The following HELZ variants were observed in gnomAD, a reference collection of about 807,000 sequenced individuals.
HELZ encodes the protein ATP-dependent RNA helicase with zinc finger domain.
Under a neutral mutation model 218.2 loss-of-function variants are expected in HELZ, and 23 were observed. That is an observed-to-expected ratio of 0.11 (90% confidence interval 0.08 to 0.15). The LOEUF (loss-of-function observed/expected upper bound fraction) is 0.15, where lower values mean the gene tolerates loss of function less well. Among genes scored for constraint, HELZ ranks in the 10% least tolerant of loss-of-function variants. HELZ has a pLI of 1.00. For synonymous variants in HELZ, 814 were observed against 829.4 expected (o/e 0.98, Z 0.32); for missense variants, 1,813 against 2,353.7 (o/e 0.77, Z 4.75).
intron 19 of HELZ, 125 bp from the exon 20 acceptor site, chr17:67,148,839 G>T: frequency 1.2e-6 from 1 of 822,628 alleles, no homozygotes; most frequent in African/African-American, 1.7e-5. Flanking sequence ...CTAAATGCTG[G>T]GACAAGCACA....
intron 3 of HELZ, among the ~76,000 whole-genome samples, chr17:67,221,411 G>A (rs2040741714): frequency 6.6e-6 from 1 of 152,104 alleles, no homozygotes. Context: ...GATACCAGAG[G>A]CCCTAGAATT....
intron 3 of HELZ, among the ~76,000 whole-genome samples, chr17:67,232,342 C>CG (rs1385232394): frequency 2.0e-5 from 3 of 152,042 alleles, no homozygotes; most frequent in Non-Finnish European, 4.4e-5. Flanking sequence ...TTAGTAGAGA[C>CG]GGGGTTTCAC....
At chr17:67,153,440 GATC>G (rs1315405676) in intron 17 of HELZ, among the ~76,000 whole-genome samples, 2 of 152,178 alleles carry the variant, frequency 1.3e-5, no homozygotes, top group Admixed American at 6.5e-5. Flanking sequence ...AAATTACAAA[GATC>G]ATCAGATGAT....
chr17:67,167,431 C>T, intron 14 of HELZ, 32 bp downstream of exon 14: 1 of 1,470,240 alleles, frequency 6.8e-7, no homozygotes, highest in Non-Finnish European at 9.5e-7. Context: ...GGCTACAGAC[C>T]ACTATGGTTA....
rs754325296 is a variant in HELZ at position 67,109,192 on chromosome 17, G to A, written c.4413C>T (p.Pro1471=). The A allele has an allele frequency of 2.4e-5, 39 of 1,613,982 alleles. No homozygotes were observed. The highest frequency in any genetic ancestry group is 1.7e-4 in the Middle Eastern group (1 of 6,046). The part of the protein sequence containing the change: ...GHSPLRAIAQ[P]GPILPSHLNS... ...TCAGATGTGAAGGAAGAATGGGGCCGGGTTGTGCAATGGCTCTCAGAGGAC... is the reference window on the plus strand; with the variant it reads ...TCAGATGTGAAGGAAGAATGGGGCCAGGTTGTGCAATGGCTCTCAGAGGAC... The change falls in exon 29 of 33, where the codon CCC becomes CCT. Residue 1471 remains proline, a synonymous_variant. Transcript: ENST00000358691.
At chr17:67,224,657 T>C in intron 3 of HELZ, 1 of 648,704 alleles carries the variant, frequency 1.5e-6, no homozygotes, top group Non-Finnish European at 2.8e-6. Flanking sequence ...AATGGCTTAG[T>C]GTGATATATG....
chr17:67,113,978 A>T (rs780249545), intron 28 of HELZ, among the ~76,000 whole-genome samples: 3 of 152,204 alleles, frequency 2.0e-5, no homozygotes, highest in Non-Finnish European at 4.4e-5. Flanking sequence ...GACCTGAGTA[A>T]GTCTTCCCCT....
chr17:67,125,228 A>G (rs2037745385), intron 24 of HELZ, among the ~76,000 whole-genome samples: 1 of 141,780 alleles, frequency 7.1e-6, no homozygotes, highest in Non-Finnish European at 1.5e-5. Flanking sequence ...ACCCCCTAAA[A>G]AATCATAGTT....
intron 23 of HELZ, 54 bp downstream of exon 23, chr17:67,135,916 A>G (rs2143940047): frequency 2.2e-6 from 3 of 1,383,988 alleles, no homozygotes; most frequent in South Asian, 2.5e-5. Flanking sequence ...ACACATAGGG[A>G]TACAAATCAT....
chr17:67,161,165 T>G (rs948887831), intron 15 of HELZ, 89 bp from the exon 16 acceptor site: 2 of 919,738 alleles, frequency 2.2e-6, no homozygotes, highest in Non-Finnish European at 3.2e-6. Flanking sequence ...CAGTGAACCA[T>G]TAAAACCACT....
At chr17:67,173,050 C>T in intron 13 of HELZ, 2 of 982,882 alleles carry the variant, frequency 2.0e-6, no homozygotes, top group Non-Finnish European at 2.4e-6. Context: ...TTGTGTCTTG[C>T]AACAAAATTC....
chr17:67,078,314 A>C lies in HELZ; in HGVS notation c.5767T>G (p.Phe1923Val). 2 of 1,614,084 alleles carry C rather than the reference A, an allele frequency of 1.2e-6. No individual in the cohort carries two copies. The highest frequency in any genetic ancestry group is 1.7e-6 in the Non-Finnish European group (2 of 1,179,976). The change falls in exon 33 of 33, where the codon TTC becomes GTC. Residue 1923 changes from phenylalanine (F) to valine (V), a missense_variant. Phe to Val is a conservative substitution (Grantham distance 50). Coordinates refer to ENST00000358691, the MANE Select transcript of HELZ (RefSeq NM_014877.4). ...GAGCTCCCTAGGCTCAGTTCCTGGA[A>C]GAGAGACAGAGGGTCGCTACTCTTC... Reference protein sequence around the residue: ...AKKSSDPLSLFQELSLGSSSG... With the variant: ...AKKSSDPLSLVQELSLGSSSG...
intron 5 of HELZ, among the ~76,000 whole-genome samples, chr17:67,208,128 G>A (rs932351548): frequency 5.9e-5 from 9 of 152,172 alleles, no homozygotes; most frequent in African/African-American, 1.9e-4. Context: ...AAATTAGGGA[G>A]ATGAAGAACA....
At chr17:67,164,260 G>C (rs918095911) in intron 15 of HELZ, among the ~76,000 whole-genome samples, 1 of 152,110 alleles carries the variant, frequency 6.6e-6, no homozygotes, top group Non-Finnish European at 1.5e-5. Flanking sequence ...ACACAAAACT[G>C]AGCCTAGCGC....
Position 67,074,649 on chromosome 17 carries a change from T to C in HELZ, c.*3603A>G, listed in dbSNP as rs191028636. 8.5e-5 allele frequency: 13 copies of C among 152,192 alleles called. No homozygotes were observed. The highest frequency in any genetic ancestry group is 8.5e-4 in the Admixed American group (13 of 15,306). 9.4% of individuals were successfully genotyped at this position (152,192 alleles called of 1,614,324 possible). A position where few individuals can be genotyped will look rare whatever the true frequency, so the allele number is the denominator to read the frequency against. ...ATACTATATATTAATTATCCCAAAGTTGGGAAATTCATTAGCTTTCTCAGC... is the reference window on the plus strand; with the variant it reads ...ATACTATATATTAATTATCCCAAAGCTGGGAAATTCATTAGCTTTCTCAGC... On this transcript the variant is annotated 3_prime_UTR_variant, in exon 33 of 33. Coordinates refer to ENST00000358691, the MANE Select transcript of HELZ (RefSeq NM_014877.4).
At chr17:67,138,709 G>A (rs554048500) in intron 21 of HELZ, among the ~76,000 whole-genome samples, 4 of 152,282 alleles carry the variant, frequency 2.6e-5, no homozygotes, top group Admixed American at 2.6e-4. Flanking sequence ...CCTGCTAGTG[G>A]TACAAGTCCA....
chr17:67,180,917 A>G lies in HELZ; in HGVS notation c.1163-1991T>C, dbSNP rs939445916. Among the ~76,000 whole-genome samples the G allele has an allele frequency of 2.0e-5, 3 of 148,050 alleles. No individual in the cohort carries two copies. The South Asian group carries it at 6.5e-4, about 32-fold the overall frequency. ...AAAAAAAAAATTTTAGCCAGGCATGATGGCATGCACGTGTAATCCCAGCTA... is the reference window on the plus strand; with the variant it reads ...AAAAAAAAAATTTTAGCCAGGCATGGTGGCATGCACGTGTAATCCCAGCTA... On this transcript the variant is annotated intron_variant, in intron 12 of 32. Coordinates refer to ENST00000358691, the MANE Select transcript of HELZ (RefSeq NM_014877.4).
At chr17:67,215,698 G>T (rs2040581763) in intron 5 of HELZ, 1 of 590,362 alleles carries the variant, frequency 1.7e-6, no homozygotes. Flanking sequence ...GGAGTGACAA[G>T]AACTTAAACA....
rs753492566 is a variant in HELZ, at chr17:67,114,344, T to C, written c.3898A>G (p.Lys1300Glu). 1.2e-6 allele frequency: 2 copies of C among 1,610,946 alleles called. No homozygotes were observed. The highest frequency in any genetic ancestry group is 2.7e-5 in the African/African-American group (2 of 74,840). Reference sequence around the variant, plus strand: ...CATACCTGTTTTGGTTCTGTTGGCTTTTTCTCTGGTGTTCGAATCTTATTA... The same window carrying C: ...CATACCTGTTTTGGTTCTGTTGGCTCTTTCTCTGGTGTTCGAATCTTATTA... ...EINKIRTPEK[K>E]PTEPKQVDLE... The change falls in exon 28 of 33, where the codon AAG becomes GAG. Residue 1300 changes from lysine to glutamate, a missense_variant. Coordinates refer to ENST00000358691, the MANE Select transcript of HELZ (RefSeq NM_014877.4).
Sources: allele counts gnomAD v4.1 joint callset (sites outside exome capture counted in the v4.1 genomes callset), GRCh38; gene constraint gnomAD v4.1.1; transcripts MANE v1.5; gene names NCBI Gene and HGNC (gene_info 2026-07-23, HGNC 2026-07-21).